The following CCDC66 variants were observed in gnomAD, a reference collection of about 807,000 sequenced individuals.
The protein encoded by CCDC66 is coiled-coil domain-containing protein 66.
A neutral mutation model predicts 128.3 loss-of-function variants in CCDC66; 133 were observed. The observed-to-expected ratio is 1.04, with a 90% CI of 0.90 to 1.20. The LOEUF (loss-of-function observed/expected upper bound fraction) is 1.20. Among genes scored for constraint, CCDC66 ranks in the 50% most tolerant of loss-of-function variants. The pLI is 0.00. For missense variants in CCDC66, 1,126 were observed against 1,075.5 expected (o/e 1.05, Z -0.66); for synonymous variants, 387 against 357.0 (o/e 1.08, Z -0.95).
chr3:56,613,484 T>C, intron 10 of CCDC66, 105 bp from the exon 11 acceptor site: 1 of 1,330,428 alleles, frequency 7.5e-7, no homozygotes, highest in Non-Finnish European at 1.0e-6. Context: ...TTGGTTCCCC[T>C]CTGTGGAAGA....
intron 17 of CCDC66, 125 bp from the exon 18 acceptor site, chr3:56,621,407 T>A (rs1578162223): frequency 3.3e-6 from 2 of 598,692 alleles, no homozygotes; most frequent in Middle Eastern, 2.9e-4. Flanking sequence ...TCTGAAAAAA[T>A]TTTTGAATGA....
intron 10 of CCDC66, among the ~76,000 whole-genome samples, chr3:56,596,623 G>A (rs1023880014): frequency 5.3e-5 from 8 of 151,882 alleles, no homozygotes; most frequent in South Asian, 2.1e-4. Context: ...AGCCCTATTC[G>A]TATGTTTTTG....
At chr3:56,576,828 C>T (rs983766896) in intron 7 of CCDC66, among the ~76,000 whole-genome samples, 2 of 151,646 alleles carry the variant, frequency 1.3e-5, no homozygotes, top group Non-Finnish European at 2.9e-5. Flanking sequence ...CATTGATGGA[C>T]ATTTGGGTTG....
intron 7 of CCDC66, among the ~76,000 whole-genome samples, chr3:56,579,926 T>C (rs1160872356): frequency 6.6e-6 from 1 of 151,862 alleles, no homozygotes; most frequent in African/African-American, 2.4e-5. Flanking sequence ...CTGTTAGGTC[T>C]GCTTGGTGCA....
intron 7 of CCDC66, 116 bp from the exon 8 acceptor site, chr3:56,592,854 T>TA (rs1211609732): frequency 2.0e-6 from 2 of 1,006,594 alleles, no homozygotes; most frequent in Admixed American, 5.1e-5. Context: ...TTGCTCCTCT[T>TA]ACAGATAAAT....
chr3:56,610,123 T>C (rs1444537811), intron 10 of CCDC66, among the ~76,000 whole-genome samples: 3 of 152,222 alleles, frequency 2.0e-5, no homozygotes, highest in Non-Finnish European at 2.9e-5. Context: ...TCTAGGTCTT[T>C]AGCAAGGCCA....
chr3:56,564,830 A>T (rs2107761064), intron 4 of CCDC66, among the ~76,000 whole-genome samples: 1 of 152,334 alleles, frequency 6.6e-6, no homozygotes, highest in Non-Finnish European at 1.5e-5. Flanking sequence ...TGGTTTGGGG[A>T]CCCATTAACT....
intron 7 of CCDC66, among the ~76,000 whole-genome samples, chr3:56,572,024 A>G (rs1365296279): frequency 1.3e-5 from 2 of 152,242 alleles, no homozygotes; most frequent in African/African-American, 2.4e-5. Context: ...CCTGGCTCAT[A>G]TGGTATTTTA....
intron 10 of CCDC66, among the ~76,000 whole-genome samples, chr3:56,609,804 C>G (rs1366886760): frequency 6.6e-6 from 1 of 152,154 alleles, no homozygotes; most frequent in African/African-American, 2.4e-5. Context: ...GGCGAATTCT[C>G]TCAGCATTTG....
chr3:56,581,070 C>T (rs867823393), intron 7 of CCDC66, among the ~76,000 whole-genome samples: 6 of 151,880 alleles, frequency 4.0e-5, no homozygotes, highest in Admixed American at 1.3e-4. Context: ...GGTCTTTTCA[C>T]ATAGTCCCAT....
At position 56,593,935 on chromosome 3, in the gene CCDC66, T is replaced by C. The variant is rs1408050627; in HGVS notation, c.1320-9T>C. 1 of 1,613,912 alleles carries C rather than the reference T, an allele frequency of 6.2e-7. No individual in the cohort carries two copies. Among genetic ancestry groups the C allele is most frequent in the Admixed American group, 1.7e-5 (1 of 60,008 alleles). ...AGGTTTTGAATAGCTAATGTATGTA[T>C]CTTGCCAGCTTTCTCCGTTCTATGA... is the stretch of plus-strand genomic sequence containing the variant. On this transcript the variant is annotated splice_polypyrimidine_tract_variant and intron_variant, in intron 9 of 17. Coordinates refer to ENST00000394672, the MANE Select transcript of CCDC66 (RefSeq NM_001141947.3).
At chr3:56,592,892 C>A in intron 7 of CCDC66, 78 bp from the exon 8 acceptor site, 1 of 1,485,368 alleles carries the variant, frequency 6.7e-7, no homozygotes, top group South Asian at 1.2e-5. Flanking sequence ...CTGTATGTTA[C>A]TTTGGCAAGA....
chr3:56,598,135 GTTTGT>G (rs1236356319), intron 10 of CCDC66, among the ~76,000 whole-genome samples: 40 of 135,450 alleles, frequency 3.0e-4, no homozygotes, highest in South Asian at 5.2e-4. Context: ...TTTGATTTTA[GTTTGT>G]TTTGTTTTGT....
intron 10 of CCDC66, among the ~76,000 whole-genome samples, chr3:56,603,927 C>CT (rs1281299698): frequency 6.6e-6 from 1 of 152,016 alleles, no homozygotes; most frequent in Non-Finnish European, 1.5e-5. Context: ...GTCTAAGTCT[C>CT]TTTGTAGGTC....
chr3:56,610,759 G>A (rs1242816614), intron 10 of CCDC66, among the ~76,000 whole-genome samples: 1 of 152,144 alleles, frequency 6.6e-6, no homozygotes, highest in Non-Finnish European at 1.5e-5. Context: ...GTCCCACAGG[G>A]TGTTCCCTAT....
At chr3:56,572,188 A>G (rs1394906479) in intron 7 of CCDC66, 1 of 368,880 alleles carries the variant, frequency 2.7e-6, no homozygotes, top group Admixed American at 3.7e-5. Context: ...AAACTCTGCC[A>G]CTATGTGTAA....
At chr3:56,566,330 G>T (rs2065857126) in intron 4 of CCDC66, among the ~76,000 whole-genome samples, 1 of 152,010 alleles carries the variant, frequency 6.6e-6, no homozygotes, top group Non-Finnish European at 1.5e-5. Flanking sequence ...TTGTCATGTT[G>T]CCCAGGCTGA....
chr3:56,594,651 C>G (rs1189215436), intron 10 of CCDC66, among the ~76,000 whole-genome samples: 1 of 151,480 alleles, frequency 6.6e-6, no homozygotes, highest in Admixed American at 6.6e-5. Flanking sequence ...CTACTGCACT[C>G]CAGCCTGGGC....
At chr3:56,619,978 GTTTT>G (rs2076157068) in intron 17 of CCDC66, 77 bp downstream of exon 17, 29 of 773,074 alleles carry the variant, frequency 3.8e-5, no homozygotes, top group Admixed American at 7.4e-5. Context: ...TGAACGGTTT[GTTTT>G]AAGTTACTTC....
Sources: allele counts gnomAD v4.1 joint callset (sites outside exome capture counted in the v4.1 genomes callset), GRCh38; gene constraint gnomAD v4.1.1; transcripts MANE v1.5; gene names NCBI Gene and HGNC (gene_info 2026-07-23, HGNC 2026-07-21).